Variants in EDARADD observed in about 807,000 individuals in gnomAD.
EDARADD encodes the protein EDAR associated via death domain.
A neutral mutation model predicts 25.6 loss-of-function variants in EDARADD; 20 were observed. The ratio of observed to expected loss-of-function variants is 0.78; its 90% CI spans 0.55 to 1.14. The LOEUF is 1.14. Ranked by LOEUF, EDARADD falls within the 50% of genes most tolerant of loss-of-function variation. The probability of loss-of-function intolerance (pLI) is 0.00; values close to 1 mark genes in which losing one functional copy is unlikely to be tolerated. For missense variants in EDARADD, 225 were observed against 270.1 expected, an observed-to-expected ratio of 0.83 and a Z score of 1.17; for synonymous variants, 86 against 94.4, an observed-to-expected ratio of 0.91 and a Z score of 0.52.
chr1:236,447,169 C>CTT (rs1558127340), intron 4 of EDARADD, among the ~76,000 whole-genome samples: 7 of 98,774 alleles, frequency 7.1e-5, no homozygotes, highest in African/African-American at 3.1e-4. Flanking sequence ...TCCCTCCCTC[C>CTT]CTCTTTCTTT....
intron 3 of EDARADD, among the ~76,000 whole-genome samples, chr1:236,363,000 A>AT (rs1158321993): frequency 1.7e-5 from 1 of 57,290 alleles, no homozygotes; most frequent in Non-Finnish European, 3.2e-5. Context: ...AAAAAAAAAA[A>AT]AAAAAAATAT....
intron 5 of EDARADD, among the ~76,000 whole-genome samples, chr1:236,471,337 G>A (rs553335312): frequency 3.7e-4 from 56 of 152,106 alleles, no homozygotes; most frequent in African/African-American, 1.2e-3. Context: ...TTCTGAAAGC[G>A]GCTAACATAT....
At chr1:236,449,805 T>C (rs1393395922) in intron 4 of EDARADD, among the ~76,000 whole-genome samples, 1 of 152,176 alleles carries the variant, frequency 6.6e-6, no homozygotes, top group East Asian at 1.9e-4. Flanking sequence ...TTTTCTATTA[T>C]AAAAGTAATA....
At chr1:236,403,690 A>G (rs1161182240) in intron 1 of EDARADD, among the ~76,000 whole-genome samples, 3 of 152,124 alleles carry the variant, frequency 2.0e-5, no homozygotes, top group Admixed American at 2.0e-4. Flanking sequence ...CAGGAAGGGG[A>G]TGCAGAGGTG....
intron 3 of EDARADD, among the ~76,000 whole-genome samples, chr1:236,374,260 C>CCCTCCCTCCCTCCCTT (rs1667200645): frequency 7.1e-6 from 1 of 141,650 alleles, no homozygotes; most frequent in Non-Finnish European, 1.5e-5. Flanking sequence ...CTCCCTCCCT[C>CCCTCCCTCCCTCCCTT]CCTCCCTTCC....
chr1:236,438,973 G>A (rs1158447664), intron 4 of EDARADD, among the ~76,000 whole-genome samples: 4 of 152,172 alleles, frequency 2.6e-5, no homozygotes, highest in Admixed American at 1.3e-4. Context: ...GAGTTTCGCT[G>A]CCCTAAAAAT....
intron 3 of EDARADD, among the ~76,000 whole-genome samples, chr1:236,426,122 C>T (rs1571927244): frequency 1.3e-5 from 2 of 152,140 alleles, no homozygotes; most frequent in Admixed American, 1.3e-4. Context: ...GCTGGGACTA[C>T]AGGCACACAC....
chr1:236,395,346 C>T lies in EDARADD; in HGVS notation c.61+841C>T. ...CGCCTTGCGTCCCAGCCCCGGGTCG[C>T]GGCACCCCGGCTCCCGCCCCGCGCC... On this transcript the variant is annotated intron_variant, in intron 1 of 5. Coordinates refer to ENST00000334232, the MANE Select transcript of EDARADD (RefSeq NM_145861.4). This position sits in a 1 kb window ranked among gnomAD's most constrained non-coding sequence, Gnocchi z 6.9. 4.5e-6 allele frequency: 6 copies of T among 1,323,956 alleles called. No individual in the cohort carries two copies. Among genetic ancestry groups the T allele is most frequent in the Non-Finnish European group, 5.8e-6 (6 of 1,035,200 alleles). The allele number at this position is 1,323,956 out of a possible 1,614,324, so 82.0% of individuals were successfully genotyped here.
At chr1:236,402,296 C>T (rs939235856) in intron 1 of EDARADD, among the ~76,000 whole-genome samples, 8 of 152,080 alleles carry the variant, frequency 5.3e-5, no homozygotes, top group African/African-American at 1.2e-4. Flanking sequence ...ATTGGCCAGG[C>T]GTGGTGGCTT....
At chr1:236,427,950 TTTAA>T (rs199940397) in intron 4 of EDARADD, among the ~76,000 whole-genome samples, 66 of 112,286 alleles carry the variant, frequency 5.9e-4, no homozygotes, top group African/African-American at 1.2e-3. Context: ...TTGTAATTTT[TTTAA>T]TTTATTTATT....
At chr1:236,377,427 A>T (rs940456229) in intron 3 of EDARADD, among the ~76,000 whole-genome samples, 37 of 147,944 alleles carry the variant, frequency 2.5e-4, no homozygotes, top group Non-Finnish European at 5.2e-4. Flanking sequence ...AAGTGCTGGG[A>T]TTACAGGCGT....
At chr1:236,437,499 A>G (rs1031587255) in intron 4 of EDARADD, among the ~76,000 whole-genome samples, 4 of 152,190 alleles carry the variant, frequency 2.6e-5, no homozygotes, top group African/African-American at 9.6e-5. Context: ...ATAGGAAGAA[A>G]GACTGAGGCC....
At chr1:236,475,172 A>G (rs191933814) in intron 5 of EDARADD, among the ~76,000 whole-genome samples, 4 of 152,208 alleles carry the variant, frequency 2.6e-5, no homozygotes, top group African/African-American at 9.6e-5. Context: ...AAACCCAACA[A>G]ATAAAATAAA....
intron 5 of EDARADD, among the ~76,000 whole-genome samples, chr1:236,476,116 TGGTAGG>T: frequency 6.6e-6 from 1 of 151,950 alleles, no homozygotes; most frequent in Non-Finnish European, 1.5e-5. Context: ...CGCTGGAACC[TGGTAGG>T]CAGAGGTTGC....
intron 3 of EDARADD, among the ~76,000 whole-genome samples, chr1:236,353,535 C>T (rs1024809926): frequency 4.6e-5 from 7 of 151,838 alleles, no homozygotes; most frequent in East Asian, 1.9e-4. Flanking sequence ...AAAAATTAGC[C>T]GGGCGTGGTG....
intron 3 of EDARADD, among the ~76,000 whole-genome samples, chr1:236,355,120 G>A (rs981343324): frequency 6.6e-6 from 1 of 152,062 alleles, no homozygotes; most frequent in Non-Finnish European, 1.5e-5. Context: ...TGGTCTTTTG[G>A]ACCATACATC....
Position 236,397,676 on chromosome 1 carries a change from C to T in EDARADD, c.61+3171C>T, listed in dbSNP as rs75467569. 7.2e-3 allele frequency among the ~76,000 whole-genome samples: 1,098 copies of T among 152,266 alleles called. 18 individuals carry two copies. Among genetic ancestry groups the T allele is most frequent in the African/African-American group, 0.025 (1,034 of 41,554 alleles). On this transcript the variant is annotated intron_variant, in intron 1 of 5. Transcript: ENST00000334232. The stretch of plus-strand genomic sequence containing the variant: ...AACTTTAGAGAGAGATGGATTTGGG[C>T]TTCCTACAAAGAGAAAGGAGGCCTC...
chr1:236,350,234 G>A (rs961800784), intron 2 of EDARADD, among the ~76,000 whole-genome samples: 2 of 152,198 alleles, frequency 1.3e-5, no homozygotes, highest in African/African-American at 4.8e-5. Context: ...ACGTTTTGGG[G>A]TAAAATATTT....
chr1:236,410,019 G>C (rs751463774), intron 2 of EDARADD, among the ~76,000 whole-genome samples: 3 of 151,994 alleles, frequency 2.0e-5, no homozygotes, highest in African/African-American at 7.2e-5. Flanking sequence ...CCATTCTGAG[G>C]CTATTGCTTT....
Sources: allele counts gnomAD v4.1 joint callset (sites outside exome capture counted in the v4.1 genomes callset), GRCh38; gene constraint gnomAD v4.1.1; non-coding constraint Gnocchi (gnomAD v3.1); transcripts MANE v1.5; gene names NCBI Gene and HGNC (gene_info 2026-07-23, HGNC 2026-07-21).